EPHA6: variants seen among roughly 807,000 people sequenced by gnomAD.
EPHA6 encodes EPH receptor A6, also known as ephrin type-A receptor 6.
EPHA6 carries 50 observed loss-of-function variants against 112.0 expected under a neutral mutation model. That is an observed-to-expected ratio of 0.45 (90% CI 0.36 to 0.56). The LOEUF is 0.56. Ranked by LOEUF, EPHA6 falls within the 20% of genes least tolerant of loss-of-function variation. The probability of loss-of-function intolerance (pLI) is 0.00; values close to 1 mark genes in which losing one functional copy is unlikely to be tolerated. For missense variants in EPHA6, 1,280 were observed against 1,417.4 expected, an observed-to-expected ratio of 0.90 and a Z score of 1.56; for synonymous variants, 529 against 490.7, an observed-to-expected ratio of 1.08 and a Z score of -1.03.
At chr3:96,926,003 G>A (rs1160597994) in intron 2 of EPHA6, among the ~76,000 whole-genome samples, 3 of 152,026 alleles carry the variant, frequency 2.0e-5, no homozygotes, top group African/African-American at 4.8e-5. Flanking sequence ...TTTGGGGTTC[G>A]TTTGCTCTTG....
chr3:97,213,498 C>T (rs1033280460), intron 3 of EPHA6, among the ~76,000 whole-genome samples: 2 of 152,172 alleles, frequency 1.3e-5, no homozygotes, highest in African/African-American at 4.8e-5. Context: ...TCTCTCTGAG[C>T]ATTATGAGTT....
intron 1 of EPHA6, among the ~76,000 whole-genome samples, chr3:96,841,220 A>T (rs2034727603): frequency 6.6e-6 from 1 of 152,122 alleles, no homozygotes; most frequent in Non-Finnish European, 1.5e-5. Context: ...AAAGAGACAA[A>T]TGGTTGTACT....
At chr3:97,404,796 A>G (rs772930628) in intron 5 of EPHA6, among the ~76,000 whole-genome samples, 5 of 152,136 alleles carry the variant, frequency 3.3e-5, no homozygotes, top group African/African-American at 4.8e-5. Flanking sequence ...ACAGTAGATC[A>G]ATATTTGATA....
chr3:97,429,157 A>G (rs905206657), intron 6 of EPHA6, among the ~76,000 whole-genome samples: 4 of 152,136 alleles, frequency 2.6e-5, no homozygotes, highest in Non-Finnish European at 4.4e-5. Context: ...ACGCTTTGGG[A>G]AATGATTTAA....
intron 3 of EPHA6, chr3:96,994,167 A>G (rs1454507938): frequency 8.6e-6 from 3 of 347,160 alleles, no homozygotes; most frequent in Non-Finnish European, 1.8e-5. Flanking sequence ...AAATAGATAG[A>G]AAGATTATAT....
At chr3:97,322,509 A>T (rs562821397) in intron 5 of EPHA6, among the ~76,000 whole-genome samples, 1 of 152,090 alleles carries the variant, frequency 6.6e-6, no homozygotes, top group Non-Finnish European at 1.5e-5. Context: ...AGAAACTATG[A>T]TCTGGGTTTC....
At chr3:97,127,327 G>C (rs1156428932) in intron 3 of EPHA6, among the ~76,000 whole-genome samples, 1 of 152,086 alleles carries the variant, frequency 6.6e-6, no homozygotes, top group Non-Finnish European at 1.5e-5. Context: ...TATAGGGTGG[G>C]CACCTCTCAA....
intron 3 of EPHA6, among the ~76,000 whole-genome samples, chr3:97,138,809 A>G (rs1291901408): frequency 6.6e-6 from 1 of 152,328 alleles, no homozygotes; most frequent in Admixed American, 6.5e-5. Flanking sequence ...CATGCTATCT[A>G]TCACAGACAG....
chr3:97,639,923 A>G (rs1413459635), intron 14 of EPHA6, among the ~76,000 whole-genome samples: 1 of 151,408 alleles, frequency 6.6e-6, no homozygotes, highest in Non-Finnish European at 1.5e-5. Context: ...TTTAGAAGGT[A>G]TCAATTAAAT....
chr3:96,942,036 CTCCCAG>C (rs1386895256), intron 2 of EPHA6, among the ~76,000 whole-genome samples: 6 of 152,182 alleles, frequency 3.9e-5, no homozygotes, highest in Non-Finnish European at 7.3e-5. Context: ...TGGGGGGTGC[CTCCCAG>C]TCAGGCTGCT....
At chr3:97,202,353 T>C (rs2077597301) in intron 3 of EPHA6, among the ~76,000 whole-genome samples, 1 of 122,564 alleles carries the variant, frequency 8.2e-6, no homozygotes, top group African/African-American at 4.8e-5. Flanking sequence ...TATTAAAATC[T>C]TTTTTTTTTT....
intron 3 of EPHA6, among the ~76,000 whole-genome samples, chr3:97,048,585 AT>A (rs2108077124): frequency 6.6e-6 from 1 of 152,276 alleles, no homozygotes; most frequent in East Asian, 1.9e-4. Flanking sequence ...ACAAAATAGA[AT>A]TTCTTTCTGA....
intron 2 of EPHA6, among the ~76,000 whole-genome samples, chr3:96,946,515 TA>T (rs1250899545): frequency 6.6e-6 from 1 of 152,234 alleles, no homozygotes; most frequent in Non-Finnish European, 1.5e-5. Flanking sequence ...CATCCTTTTT[TA>T]TGGCTGCATA....
At chr3:97,546,863 C>T (rs1337459862) in intron 11 of EPHA6, among the ~76,000 whole-genome samples, 1 of 152,212 alleles carries the variant, frequency 6.6e-6, no homozygotes, top group Non-Finnish European at 1.5e-5. Context: ...ACAGCGGCTA[C>T]TGAAGCATCT....
chr3:96,831,248 A>G (rs574035372), intron 1 of EPHA6, among the ~76,000 whole-genome samples: 1 of 152,124 alleles, frequency 6.6e-6, no homozygotes, highest in South Asian at 2.1e-4. Flanking sequence ...TTTGTCCTGT[A>G]TGTTTAAACT....
chr3:97,091,567 C>T (rs1289479639), intron 3 of EPHA6, among the ~76,000 whole-genome samples: 1 of 152,034 alleles, frequency 6.6e-6, no homozygotes, highest in African/African-American at 2.4e-5. Context: ...ATGTAGAGGT[C>T]ATCATTTAAT....
intron 3 of EPHA6, among the ~76,000 whole-genome samples, chr3:97,148,459 A>G (rs1300128471): frequency 3.9e-5 from 6 of 151,994 alleles, no homozygotes; most frequent in African/African-American, 1.4e-4. Context: ...TCAGAGTGAG[A>G]CCTTGTCTTG....
chr3:97,669,240 T>C (rs575522460), intron 14 of EPHA6, among the ~76,000 whole-genome samples: 118 of 151,822 alleles, frequency 7.8e-4, no homozygotes, highest in South Asian at 4.1e-3. Flanking sequence ...ATTGTTGACC[T>C]CCTCTTTTAC....
chr3:97,476,809 A>G (rs541487850), intron 8 of EPHA6, among the ~76,000 whole-genome samples: 1 of 152,146 alleles, frequency 6.6e-6, no homozygotes, highest in Non-Finnish European at 1.5e-5. Flanking sequence ...TGTGAAATTA[A>G]GTGGAAAGAA....
Sources: allele counts gnomAD v4.1 joint callset (sites outside exome capture counted in the v4.1 genomes callset), GRCh38; gene constraint gnomAD v4.1.1; transcripts MANE v1.5; gene names NCBI Gene and HGNC (gene_info 2026-07-23, HGNC 2026-07-21).